GLIS3: variants seen among roughly 807,000 people sequenced by gnomAD.
The protein encoded by GLIS3 is GLIS family zinc finger 3.
Under a neutral mutation model 78.6 loss-of-function variants are expected in GLIS3, and 53 were observed. That is an observed-to-expected ratio of 0.67 (90% CI 0.54 to 0.85). The LOEUF (loss-of-function observed/expected upper bound fraction) is 0.85, where lower values mean the gene tolerates loss of function less well. GLIS3 is among the 40% of genes least tolerant of loss of function. GLIS3 has a pLI of 0.00. For synonymous variants in GLIS3, 684 were observed against 509.9 expected (o/e 1.34, Z -4.60); for missense variants, 1,703 against 1,231.1 (o/e 1.38, Z -5.74).
In GLIS3 at chr9:3,846,230, C is replaced by A. The variant is rs140598446; in HGVS notation, c.2473+9779G>T. Among the ~76,000 whole-genome samples the A allele has an allele frequency of 2.4e-3, 363 of 152,274 alleles. 1 individual carries two copies. The highest frequency in any genetic ancestry group is 7.6e-3 in the African/African-American group (317 of 41,562). ...ACTTAACTTTCAAGCAAAAGCAATT[C>A]CCAAGTAACTAAAAATTTCCATAAT... On this transcript the variant is annotated intron_variant, in intron 9 of 10. Coordinates refer to ENST00000381971, the MANE Select transcript of GLIS3 (RefSeq NM_001042413.2).
the GLIS3 span, among the ~76,000 whole-genome samples, chr9:4,434,013 G>A: frequency 1.3e-5 from 2 of 151,064 alleles, no homozygotes; most frequent in Non-Finnish European, 2.9e-5. Flanking sequence ...GGAGAATGGA[G>A]TGAACCCAGG....
intron 4 of GLIS3, among the ~76,000 whole-genome samples, chr9:3,996,059 A>C (rs1820724983): frequency 6.6e-6 from 1 of 152,174 alleles, no homozygotes. Context: ...AAGTCAGATT[A>C]CTTAAAAAAA....
At chr9:4,261,915 G>C (rs1019932360) in intron 2 of GLIS3, among the ~76,000 whole-genome samples, 2 of 152,208 alleles carry the variant, frequency 1.3e-5, no homozygotes, top group African/African-American at 2.4e-5. Context: ...AGTGTACCCT[G>C]TAATACTGTC....
At chr9:4,179,257 A>G (rs1817079188) in intron 2 of GLIS3, among the ~76,000 whole-genome samples, 1 of 152,234 alleles carries the variant, frequency 6.6e-6, no homozygotes, top group African/African-American at 2.4e-5. Context: ...ATAATGAACA[A>G]GCCAAAAAGT....
chr9:4,141,482 C>A (rs1372705763), intron 2 of GLIS3, among the ~76,000 whole-genome samples: 1 of 152,176 alleles, frequency 6.6e-6, no homozygotes, highest in Non-Finnish European at 1.5e-5. Flanking sequence ...ACCAAGAACA[C>A]AGAAAAGCTC....
Position 4,276,352 on chromosome 9 carries a change from G to C in GLIS3, c.388+9686C>G, listed in dbSNP as rs926926434. On this transcript the variant is annotated intron_variant, in intron 2 of 10. Transcript: ENST00000381971. ...GGGAGGAGAGGGAAGGAGAGGGCACGGGAGGGAAGGAGAGGGCACGGGAGG... is the reference window on the plus strand; with the variant it reads ...GGGAGGAGAGGGAAGGAGAGGGCACCGGAGGGAAGGAGAGGGCACGGGAGG... 5.4e-3 allele frequency among the ~76,000 whole-genome samples: 251 copies of C among 46,582 alleles called. 5 individuals carry two copies. The highest frequency in any genetic ancestry group is 9.0e-3 in the Non-Finnish European group (182 of 20,114). 30.6% of individuals were successfully genotyped at this position (46,582 alleles called of 152,430 possible). A position where few individuals can be genotyped will look rare whatever the true frequency, so the allele number is the denominator to read the frequency against.
intron 6 of GLIS3, among the ~76,000 whole-genome samples, chr9:3,931,838 A>G (rs1457634758): frequency 6.6e-6 from 1 of 152,220 alleles, no homozygotes; most frequent in African/African-American, 2.4e-5. Context: ...TCAGATTTTC[A>G]TACAAATCCA....
rs1831840808 is a variant in GLIS3 at position 4,118,115 on chromosome 9, G to A, written c.1363C>T (p.Pro455Ser). The change falls in exon 4 of 11, where the codon CCC becomes TCC. Residue 455 changes from proline (P) to serine (S), a missense_variant. Coordinates refer to ENST00000381971, the MANE Select transcript of GLIS3 (RefSeq NM_001042413.2). This position sits in a 1 kb window ranked among gnomAD's most constrained non-coding sequence, Gnocchi z 4.7. ...TGGTAAGGGGGTGGGGGGCCTGGGG[G>A]CGGCGGCAGAGGAGGGAGCGGAGGC... ...PAPPLPPLPP[P>S]PGPPPPYHAH... The A allele has an allele frequency of 3.2e-6, 5 of 1,549,714 alleles. No individual in the cohort carries two copies. Among genetic ancestry groups the A allele is most frequent in the Non-Finnish European group, 4.4e-6 (5 of 1,147,562 alleles).
intron 8 of GLIS3, among the ~76,000 whole-genome samples, chr9:3,866,680 C>T (rs907637644): frequency 1.5e-4 from 23 of 152,128 alleles, no homozygotes; most frequent in Non-Finnish European, 1.3e-4. Flanking sequence ...GTGGCTGGAA[C>T]AGATTAAACA....
chr9:4,344,333 C>G (rs927418385), intron 2 of GLIS3, among the ~76,000 whole-genome samples: 2 of 152,198 alleles, frequency 1.3e-5, no homozygotes, highest in African/African-American at 4.8e-5. Flanking sequence ...AATTCTCAGT[C>G]CTCATCCTAT....
At chr9:4,147,421 G>C (rs575862363) in intron 2 of GLIS3, 1 of 152,258 alleles carries the variant, frequency 6.6e-6, no homozygotes, top group African/African-American at 2.4e-5. Context: ...TCCTTGCACT[G>C]CGGGGCTTCC....
intron 2 of GLIS3, among the ~76,000 whole-genome samples, chr9:4,334,883 CAGAAG>C (rs1318928805): frequency 1.3e-5 from 2 of 149,214 alleles, no homozygotes; most frequent in Non-Finnish European, 3.0e-5. Flanking sequence ...GAGCAGCTCT[CAGAAG>C]AGAAATCATT....
At chr9:3,855,207 TAAAG>T (rs934348816) in intron 9 of GLIS3, among the ~76,000 whole-genome samples, 15 of 152,184 alleles carry the variant, frequency 9.9e-5, no homozygotes, top group African/African-American at 3.6e-4. Flanking sequence ...TGAGTCTAAA[TAAAG>T]AAAAGAAACT....
At chr9:4,052,886 G>C (rs903096029) in intron 4 of GLIS3, among the ~76,000 whole-genome samples, 2 of 152,122 alleles carry the variant, frequency 1.3e-5, no homozygotes, top group Non-Finnish European at 2.9e-5. Context: ...TTAACCTATG[G>C]AGGAACTGCC....
At chr9:3,994,779 A>G (rs914795222) in intron 4 of GLIS3, among the ~76,000 whole-genome samples, 1 of 152,322 alleles carries the variant, frequency 6.6e-6, no homozygotes, top group East Asian at 1.9e-4. Flanking sequence ...GGCAAATGAA[A>G]TGTTCCGAGA....
chr9:4,236,534 A>C (rs1004808332), intron 2 of GLIS3, among the ~76,000 whole-genome samples: 2 of 152,176 alleles, frequency 1.3e-5, no homozygotes, highest in Non-Finnish European at 2.9e-5. Context: ...CTGTAACTGT[A>C]AGCTGTAGAG....
the GLIS3 span, among the ~76,000 whole-genome samples, chr9:4,384,185 T>G: frequency 6.6e-6 from 1 of 152,206 alleles, no homozygotes; most frequent in Non-Finnish European, 1.5e-5. Flanking sequence ...CTGCTCACTT[T>G]GTGGAGCACA....
rs148835648 is a variant in GLIS3 at position 4,285,913 on chromosome 9, G to C, written c.388+125C>G. On this transcript the variant is annotated intron_variant, in intron 2 of 10. Coordinates refer to ENST00000381971, the MANE Select transcript of GLIS3 (RefSeq NM_001042413.2). ...TACTGAGCAAGCTATATATCATTAT[G>C]AGACCATCATCTTTGACCCTGACAC... 88 of 1,176,780 alleles carry C rather than the reference G, an allele frequency of 7.5e-5. 1 individual carries two copies. In the East Asian group the frequency reaches 1.9e-3, roughly 25 times the overall value. 72.9% of individuals were successfully genotyped at this position (1,176,780 alleles called of 1,614,324 possible). A position where few individuals can be genotyped will look rare whatever the true frequency, so the allele number is the denominator to read the frequency against.
chr9:4,272,562 G>C (rs778187807), intron 2 of GLIS3, among the ~76,000 whole-genome samples: 1 of 152,158 alleles, frequency 6.6e-6, no homozygotes. Flanking sequence ...TAGGGTTATA[G>C]GGGATTAAAT....
Sources: gnomAD v4.1 joint callset for allele counts (sites outside exome capture counted in the v4.1 genomes callset) on GRCh38, gnomAD v4.1.1 for gene constraint, Gnocchi (gnomAD v3.1) non-coding constraint, MANE v1.5 for transcripts, NCBI Gene and HGNC (gene_info 2026-07-23, HGNC 2026-07-21) for gene names.